TDRD12: variants seen among roughly 807,000 people sequenced by gnomAD.
TDRD12 encodes tudor domain containing 12, also known as putative ATP-dependent RNA helicase TDRD12.
TDRD12 carries 158 observed loss-of-function variants against 133.5 expected under a neutral mutation model. The observed-to-expected ratio is 1.18, with a 90% CI of 1.04 to 1.35. The LOEUF is 1.35. Among genes scored for constraint, TDRD12 ranks in the 40% most tolerant of loss-of-function variants. The pLI is 0.00. For synonymous variants in TDRD12, 460 were observed against 477.9 expected, an observed-to-expected ratio of 0.96 and a Z score of 0.49; for missense variants, 1,443 against 1,321.3, an observed-to-expected ratio of 1.09 and a Z score of -1.43.
At chr19:32,786,251 G>C (rs1022257636) in intron 11 of TDRD12, among the ~76,000 whole-genome samples, 3 of 152,064 alleles carry the variant, frequency 2.0e-5, no homozygotes, top group African/African-American at 7.2e-5. Flanking sequence ...GTTGAATATT[G>C]GCCCCCACTC....
At chr19:32,794,879 T>A in intron 14 of TDRD12, 66 bp downstream of exon 14, 1 of 662,044 alleles carries the variant, frequency 1.5e-6, no homozygotes, top group Non-Finnish European at 2.7e-6. Context: ...ATTATACACC[T>A]CACCTTTGAG....
chr19:32,740,778 G>T (rs545510024), intron 3 of TDRD12, among the ~76,000 whole-genome samples: 2 of 152,324 alleles, frequency 1.3e-5, no homozygotes, highest in South Asian at 4.1e-4. Context: ...TTGTACTCAT[G>T]TAGGTATCCC....
chr19:32,744,969 G>A (rs1320352248), intron 4 of TDRD12, among the ~76,000 whole-genome samples: 1 of 152,184 alleles, frequency 6.6e-6, no homozygotes, highest in East Asian at 1.9e-4. Context: ...GTTTCCTTGT[G>A]GTGGTGAGTG....
At chr19:32,767,104 A>G (rs1276844098) in intron 8 of TDRD12, among the ~76,000 whole-genome samples, 6 of 118,950 alleles carry the variant, frequency 5.0e-5, no homozygotes, top group Non-Finnish European at 1.1e-4. Context: ...TTATTTATTT[A>G]TTTATTTATT....
chr19:32,756,460 T>C (rs1484702432), intron 7 of TDRD12, among the ~76,000 whole-genome samples: 1 of 151,886 alleles, frequency 6.6e-6, no homozygotes, highest in Non-Finnish European at 1.5e-5. Context: ...TGATCTCGGC[T>C]CACTGCAAGC....
chr19:32,801,876 A>C lies in TDRD12; in HGVS notation c.2197+3A>C. 1 of 1,170,506 alleles carries C rather than the reference A, an allele frequency of 8.5e-7. No homozygotes were observed. The highest frequency in any genetic ancestry group is 2.4e-5 in the Admixed American group (1 of 41,824). The allele number at this position is 1,170,506 out of a possible 1,614,324, so 72.5% of individuals were successfully genotyped here. The stretch of plus-strand genomic sequence containing the variant: ...TTCTGGCTCTCAAATTATATTAGGT[A>C]AGTGTTTTAATTTCTACTTCTATTT... On this transcript the variant is annotated splice_donor_region_variant and intron_variant, in intron 19 of 27. Transcript: ENST00000444215.
chr19:32,811,345 A>C (rs1337306776), exon 24 of TDRD12: 1 of 1,536,018 alleles, frequency 6.5e-7, no homozygotes, highest in Non-Finnish European at 8.7e-7. Context: ...ATTTCCACAC[A>C]CTTCCCCCGC....
intron 19 of TDRD12, 32 bp from the exon 20 acceptor site, chr19:32,802,624 G>A (rs756431772): frequency 2.8e-5 from 43 of 1,532,592 alleles, no homozygotes; most frequent in African/African-American, 1.8e-4. Context: ...TAACTCCAGC[G>A]CGTGTGACAT....
chr19:32,782,205 G>A (rs1329331744), intron 11 of TDRD12, among the ~76,000 whole-genome samples: 1 of 151,300 alleles, frequency 6.6e-6, no homozygotes, highest in African/African-American at 2.4e-5. Context: ...TTAGGAGTGA[G>A]AACATGCAGT....
At chr19:32,815,418 G>C (rs1967144494) in intron 25 of TDRD12, 30 bp from the exon 26 acceptor site, 1 of 1,511,182 alleles carries the variant, frequency 6.6e-7, no homozygotes. Context: ...AGTGATTACT[G>C]CTAATGTTCA....
chr19:32,742,434 T>G (rs1038465314), intron 3 of TDRD12, among the ~76,000 whole-genome samples: 2 of 152,174 alleles, frequency 1.3e-5, no homozygotes, highest in African/African-American at 4.8e-5. Context: ...GTGCTGGGAT[T>G]ACAGGTGTGA....
chr19:32,720,162 A>ATAG, intron 1 of TDRD12, 66 bp downstream of exon 1: 2 of 1,188,988 alleles, frequency 1.7e-6, no homozygotes, highest in East Asian at 8.6e-5. Flanking sequence ...CCAGCCGCGC[A>ATAG]CAGCCTCCCA....
intron 13 of TDRD12, among the ~76,000 whole-genome samples, chr19:32,792,540 G>GA (rs759037654): frequency 6.6e-6 from 1 of 152,176 alleles, no homozygotes. Context: ...TCAGAAAGTA[G>GA]AGGAAAAAGG....
At chr19:32,784,978 A>G (rs554136056) in intron 11 of TDRD12, among the ~76,000 whole-genome samples, 9 of 151,980 alleles carry the variant, frequency 5.9e-5, no homozygotes, top group South Asian at 2.1e-4. Flanking sequence ...CTGTGTCACT[A>G]TCTCCTTCAG....
At chr19:32,807,556 A>G (rs1481925704) in exon 22 of TDRD12, 1 of 1,517,864 alleles carries the variant, frequency 6.6e-7, no homozygotes, top group Non-Finnish European at 8.8e-7. Flanking sequence ...CAGAGACAAA[A>G]GGATCTGTCC....
chr19:32,810,916 G>A (rs1270053077), intron 23 of TDRD12, among the ~76,000 whole-genome samples: 1 of 151,800 alleles, frequency 6.6e-6, no homozygotes, highest in African/African-American at 2.4e-5. Flanking sequence ...AAACAAAAAA[G>A]ACAAAAGGAA....
At chr19:32,750,544 A>G (rs943972129) in intron 6 of TDRD12, among the ~76,000 whole-genome samples, 12 of 152,238 alleles carry the variant, frequency 7.9e-5, no homozygotes, top group African/African-American at 2.9e-4. Flanking sequence ...ACAAAACCAC[A>G]GTACAGTTTT....
chr19:32,813,007 TA>T (rs879839514), intron 24 of TDRD12, among the ~76,000 whole-genome samples: 56 of 145,376 alleles, frequency 3.9e-4, no homozygotes, highest in East Asian at 4.0e-4. Flanking sequence ...CCCCCATCTC[TA>T]AAAAAAAAAA....
At chr19:32,747,889 C>T (rs1026697771) in intron 4 of TDRD12, among the ~76,000 whole-genome samples, 2 of 151,992 alleles carry the variant, frequency 1.3e-5, no homozygotes, top group African/African-American at 4.8e-5. Flanking sequence ...GTGGGGCACA[C>T]CTGTAGTCCT....
Sources: allele counts gnomAD v4.1 joint callset (sites outside exome capture counted in the v4.1 genomes callset), GRCh38; gene constraint gnomAD v4.1.1; transcripts MANE v1.5; gene names NCBI Gene and HGNC (gene_info 2026-07-23, HGNC 2026-07-21).